Variants in TRIM66 observed in about 807,000 individuals in gnomAD.
The protein encoded by TRIM66 is tripartite motif containing 66, also known as tripartite motif-containing protein 66.
In TRIM66, 99 loss-of-function variants were observed where a neutral mutation model predicts 148.2. The ratio of observed to expected loss-of-function variants is 0.67; its 90% CI spans 0.57 to 0.79. The LOEUF (loss-of-function observed/expected upper bound fraction) is 0.79, where lower values mean the gene tolerates loss of function less well. Ranked by LOEUF, TRIM66 falls within the 30% of genes least tolerant of loss-of-function variation. The pLI is 0.00. For missense variants in TRIM66, 1,666 were observed against 1,697.9 expected (o/e 0.98, Z 0.33); for synonymous variants, 616 against 635.9 (o/e 0.97, Z 0.47).
intron 4 of TRIM66, among the ~76,000 whole-genome samples, chr11:8,673,767 A>G (rs1229732122): frequency 1.3e-5 from 2 of 152,260 alleles, no homozygotes; most frequent in Non-Finnish European, 2.9e-5. Flanking sequence ...AACAGCTAAA[A>G]GCCAAAGGAA....
At chr11:8,632,386 T>C (rs1013285569) in intron 15 of TRIM66, among the ~76,000 whole-genome samples, 11 of 151,252 alleles carry the variant, frequency 7.3e-5, no homozygotes, top group African/African-American at 2.7e-4. Flanking sequence ...CAGTAGCAGA[T>C]CTTGAAACAG....
chr11:8,651,692 G>A lies in TRIM66; in HGVS notation c.444+108C>T, dbSNP rs2037371826. 5 of 906,228 alleles carry A rather than the reference G, an allele frequency of 5.5e-6. No homozygotes were observed. The South Asian group carries it at 7.1e-5, about 13-fold the overall frequency. The allele number at this position is 906,228 out of a possible 1,614,324, so 56.1% of individuals were successfully genotyped here. A position where few individuals can be genotyped will look rare whatever the true frequency, so the allele number is the denominator to read the frequency against. ...ATGGATGATTAGGAAAACTGATGGA[G>A]AAGTAACAAATCAGATGATAGAGTG... On this transcript the variant is annotated intron_variant, in intron 7 of 24. Coordinates refer to ENST00000646038, the MANE Select transcript of TRIM66 (RefSeq NM_001388022.1).
chr11:8,672,438 G>C (rs1436862202), intron 4 of TRIM66, 53 bp from the exon 5 acceptor site: 5 of 1,456,638 alleles, frequency 3.4e-6, no homozygotes, highest in Non-Finnish European at 3.6e-6. Context: ...ACAAGTTTAT[G>C]ACAGGCACTT....
Position 8,620,037 on chromosome 11 carries a change from T to C in TRIM66, c.3747+13A>G. On this transcript the variant is annotated intron_variant, in intron 22 of 24. Coordinates refer to ENST00000646038, the MANE Select transcript of TRIM66 (RefSeq NM_001388022.1). ...GCAAGGAGAAGGTGAGAGAACAGCGTGGCCTTCCTTACCAGGGGGCTGACA... is the reference window on the plus strand; with the variant it reads ...GCAAGGAGAAGGTGAGAGAACAGCGCGGCCTTCCTTACCAGGGGGCTGACA... 2.6e-6 allele frequency: 4 copies of C among 1,551,174 alleles called. No homozygotes were observed. Among genetic ancestry groups the C allele is most frequent in the Non-Finnish European group, 3.5e-6 (4 of 1,146,522 alleles).
intron 7 of TRIM66, among the ~76,000 whole-genome samples, chr11:8,650,920 G>A (rs2037302761): frequency 6.6e-6 from 1 of 152,158 alleles, no homozygotes; most frequent in South Asian, 2.1e-4. Context: ...ACCAAGGAAG[G>A]GCAAGTATAG....
At position 8,672,329 on chromosome 11, in the gene TRIM66, A is replaced by G; in HGVS notation, c.-55T>C. ...GTCTGCTGTTTGTCTGAAGGCGAACAAACCCTTCAAAAGTGTCCCGTACCT... is the reference window on the plus strand; with the variant it reads ...GTCTGCTGTTTGTCTGAAGGCGAACGAACCCTTCAAAAGTGTCCCGTACCT... On this transcript the variant is annotated 5_prime_UTR_variant, in exon 5 of 25. Transcript: ENST00000646038. 6.5e-7 allele frequency: 1 copy of G among 1,536,004 alleles called. No individual in the cohort carries two copies. Among genetic ancestry groups the G allele is most frequent in the South Asian group, 1.2e-5 (1 of 84,050 alleles).
chr11:8,663,045 A>C (rs761576030), intron 6 of TRIM66: 3 of 152,264 alleles, frequency 2.0e-5, no homozygotes, highest in Non-Finnish European at 2.9e-5. Flanking sequence ...ATTGGCTGAG[A>C]AAATCCAATT....
Position 8,671,996 on chromosome 11 carries a change from A to G in TRIM66, c.130T>C (p.Phe44Leu). Residue 44 changes from phenylalanine (F) to leucine (L), a missense_variant, in exon 6 of 25, where the codon TTT (phenylalanine) becomes CTT (leucine). Phe to Leu is a conservative substitution (Grantham distance 22). Around this residue, in one of 3 missense-constraint regions of TRIM66, gnomAD observed 1,431 missense variants for 1,412.4 expected, o/e 1.01. Transcript: ENST00000646038. The part of the protein sequence containing the change: ...TGMAVDMGMS[F>L]MGLPLAGQKH... ...TGGCCAGCTAGTGGCAGCCCCATAA[A>G]GCTCATGCCCATGTCCACAGCCATG... 6.5e-7 allele frequency: 1 copy of G among 1,536,050 alleles called. No individual in the cohort carries two copies. Among genetic ancestry groups the G allele is most frequent in the Non-Finnish European group, 8.7e-7 (1 of 1,146,906 alleles).
chr11:8,664,364 T>C (rs899853683), intron 6 of TRIM66, among the ~76,000 whole-genome samples: 2 of 152,180 alleles, frequency 1.3e-5, no homozygotes, highest in Non-Finnish European at 2.9e-5. Context: ...CTCATCAGTT[T>C]GGTATTCTAA....
intron 9 of TRIM66, 140 bp downstream of exon 9, chr11:8,648,276 G>T: frequency 1.5e-6 from 2 of 1,353,456 alleles, no homozygotes; most frequent in African/African-American, 1.5e-5. Flanking sequence ...TACAACAGGA[G>T]CAGAGAAAAA....
chr11:8,658,127 G>T (rs1355986268), intron 6 of TRIM66, among the ~76,000 whole-genome samples: 1 of 152,230 alleles, frequency 6.6e-6, no homozygotes, highest in Non-Finnish European at 1.5e-5. Context: ...TGCATCCTCA[G>T]CCAGGGCTGC....
chr11:8,618,639 C>T, intron 24 of TRIM66, 111 bp downstream of exon 24: 2 of 1,037,704 alleles, frequency 1.9e-6, no homozygotes, highest in Non-Finnish European at 2.8e-6. Flanking sequence ...GGTTCGTTGT[C>T]ACCACCATCT....
intron 17 of TRIM66, 97 bp downstream of exon 17, chr11:8,624,262 G>A (rs2034589714): frequency 7.3e-7 from 1 of 1,368,714 alleles, no homozygotes; most frequent in Non-Finnish European, 9.9e-7. Context: ...TGCTTCCCCA[G>A]CTTAGAGCTT....
chr11:8,682,221 C>G (rs1032934129), intron 1 of TRIM66, among the ~76,000 whole-genome samples: 1 of 152,224 alleles, frequency 6.6e-6, no homozygotes, highest in Non-Finnish European at 1.5e-5. Context: ...GCAGTGCCCA[C>G]TCAGAAGTGT....
intron 3 of TRIM66, among the ~76,000 whole-genome samples, chr11:8,678,731 T>G (rs2039293762): frequency 6.6e-6 from 1 of 152,206 alleles, no homozygotes; most frequent in Non-Finnish European, 1.5e-5. Flanking sequence ...TGTCCACATC[T>G]AAAGATGGAG....
chr11:8,613,579 C>T lies in TRIM66; in HGVS notation c.*4365G>A, dbSNP rs1160823329. ...AGACTCTGAGAAATGCTGTTTTAAT[C>T]TTGTGGAGAACTTGTTTGCAGGCTG... On this transcript the variant is annotated 3_prime_UTR_variant, in exon 25 of 25. Transcript: ENST00000646038. 6.6e-6 allele frequency: 1 copy of T among 152,182 alleles called. No individual in the cohort carries two copies. Among genetic ancestry groups the T allele is most frequent in the Non-Finnish European group, 1.5e-5 (1 of 68,058 alleles). 9.4% of individuals were successfully genotyped at this position (152,182 alleles called of 1,614,324 possible). A position where few individuals can be genotyped will look rare whatever the true frequency, so the allele number is the denominator to read the frequency against.
intron 18 of TRIM66, 55 bp downstream of exon 18, chr11:8,622,761 G>C: frequency 6.8e-7 from 1 of 1,476,572 alleles, no homozygotes; most frequent in Non-Finnish European, 9.3e-7. Context: ...CCCTGTGCCA[G>C]CATCTCAGGA....
At chr11:8,671,424 T>A (rs2133490541) in intron 6 of TRIM66, among the ~76,000 whole-genome samples, 1 of 152,326 alleles carries the variant, frequency 6.6e-6, no homozygotes, top group South Asian at 2.1e-4. Flanking sequence ...TCAAAATCTG[T>A]TCCTGACTAA....
intron 15 of TRIM66, among the ~76,000 whole-genome samples, chr11:8,637,167 T>C (rs1279973145): frequency 6.6e-6 from 1 of 152,184 alleles, no homozygotes; most frequent in Non-Finnish European, 1.5e-5. Context: ...ATTATAGCAC[T>C]TTACCACAAT....
Sources: gnomAD v4.1 joint callset for allele counts (sites outside exome capture counted in the v4.1 genomes callset) on GRCh38, gnomAD v4.1.1 for gene constraint, gnomAD v4.1.1 regional missense constraint, MANE v1.5 for transcripts, NCBI Gene and HGNC (gene_info 2026-07-23, HGNC 2026-07-21) for gene names.